The following TTC8 variants were observed in gnomAD, a reference collection of about 807,000 sequenced individuals.
The protein encoded by TTC8 is tetratricopeptide repeat domain 8, also known as tetratricopeptide repeat protein 8.
A neutral mutation model predicts 72.5 loss-of-function variants in TTC8; 47 were observed. The observed-to-expected ratio is 0.65, with a 90% CI of 0.51 to 0.83. TTC8 has a LOEUF of 0.83. Among genes scored for constraint, TTC8 ranks in the 40% least tolerant of loss-of-function variants. TTC8 has a pLI of 0.00. For synonymous variants in TTC8, 199 were observed against 221.4 expected, an observed-to-expected ratio of 0.90 and a Z score of 0.90; for missense variants, 611 against 623.2, an observed-to-expected ratio of 0.98 and a Z score of 0.21.
At chr14:88,868,528 T>A (rs1296992052) in intron 10 of TTC8, among the ~76,000 whole-genome samples, 1 of 152,200 alleles carries the variant, frequency 6.6e-6, no homozygotes, top group Non-Finnish European at 1.5e-5. Context: ...TGCTAAGAAA[T>A]GGCACATATG....
intron 13 of TTC8, 25 bp downstream of exon 13, chr14:88,872,477 T>C (rs747755382): frequency 1.7e-5 from 28 of 1,612,630 alleles, no homozygotes; most frequent in Non-Finnish European, 2.3e-5. Flanking sequence ...AGCGGCATGC[T>C]GGGCAGTCTG....
intron 8 of TTC8, among the ~76,000 whole-genome samples, 161 bp from the exon 9 acceptor site, chr14:88,857,029 T>C (rs2094859413): frequency 6.6e-6 from 1 of 152,214 alleles, no homozygotes. Flanking sequence ...AGGCAACTTA[T>C]TGCTAAGCTG....
intron 14 of TTC8, 57 bp from the exon 15 acceptor site, chr14:88,877,237 T>G (rs2094960783): frequency 7.6e-7 from 1 of 1,319,376 alleles, no homozygotes; most frequent in African/African-American, 1.4e-5. Context: ...CTTTTTTACT[T>G]CCTTACTCAT....
chr14:88,871,186 G>A lies in TTC8; in HGVS notation c.1050-363G>A, dbSNP rs369865910. Among the ~76,000 whole-genome samples the A allele has an allele frequency of 6.6e-6, 1 of 152,198 alleles. No homozygotes were observed. Among genetic ancestry groups the A allele is most frequent in the African/African-American group, 2.4e-5 (1 of 41,458 alleles). On this transcript the variant is annotated intron_variant, in intron 11 of 14. Coordinates refer to ENST00000380656, the MANE Select transcript of TTC8 (RefSeq NM_144596.4). This position sits in a 1 kb window ranked among gnomAD's most constrained non-coding sequence, Gnocchi z 4.1. ...AATGCTAAACGCAGTCCTCAAATTA[G>A]ATTAGGTTTTAGGAATTTACCCTAT...
intron 10 of TTC8, among the ~76,000 whole-genome samples, chr14:88,866,166 A>C (rs1193223057): frequency 6.6e-6 from 1 of 152,178 alleles, no homozygotes; most frequent in Admixed American, 6.5e-5. Flanking sequence ...CAAAGTCAAA[A>C]AGCCATAATA....
rs71130022 is a variant in TTC8 at position 88,862,541 on chromosome 14, C to CATAT, written c.909+1262_909+1265dup. On this transcript the variant is annotated intron_variant, in intron 10 of 14. Transcript: ENST00000380656. Reference sequence around the variant, plus strand: ...ATTCCATTCTCTCTCTCTCTCTCTCCATATATATATATATATATATATATA... The same window carrying CATAT: ...ATTCCATTCTCTCTCTCTCTCTCTCCATATATATATATATATATATATATATATA... 6.9e-3 allele frequency among the ~76,000 whole-genome samples: 164 copies of CATAT among 23,782 alleles called. 13 individuals are homozygous for CATAT. The highest frequency in any genetic ancestry group is 8.8e-3 in the Non-Finnish European group (107 of 12,202). 15.6% of individuals were successfully genotyped at this position (23,782 alleles called of 152,430 possible).
chr14:88,843,230 C>T lies in TTC8; in HGVS notation c.580-576C>T, dbSNP rs2094790458. 2.6e-5 allele frequency among the ~76,000 whole-genome samples: 4 copies of T among 152,168 alleles called. No individual in the cohort carries two copies. In the South Asian group the frequency reaches 8.3e-4, roughly 31 times the overall value. On this transcript the variant is annotated intron_variant, in intron 6 of 14. Coordinates refer to ENST00000380656, the MANE Select transcript of TTC8 (RefSeq NM_144596.4). ...TAAGGTCAGGGCTTTGCCATCCCCC[C>T]AACTCTGATTTAATTTAAGTGGTCT...
rs772406277 is a variant in TTC8 at position 88,870,155 on chromosome 14, C to A, written c.1006C>A (p.His336Asn). The A allele has an allele frequency of 6.2e-7, 1 of 1,614,080 alleles. No homozygotes were observed. The highest frequency in any genetic ancestry group is 8.5e-7 in the Non-Finnish European group (1 of 1,179,960). ...VEAIACIGSN[H>N]FYSDQPEIAL... ...AGCCATCGCATGCATTGGAAGCAACCACTTCTATTCTGATCAGCCAGAAAT... is the reference window on the plus strand; with the variant it reads ...AGCCATCGCATGCATTGGAAGCAACAACTTCTATTCTGATCAGCCAGAAAT... The change falls in exon 11 of 15, where the codon CAC (histidine) becomes AAC (asparagine). Residue 336 changes from histidine (H) to asparagine (N), a missense_variant. Coordinates refer to ENST00000380656, the MANE Select transcript of TTC8 (RefSeq NM_144596.4).
rs139805316 is a variant in TTC8, at chr14:88,841,397, C to G, written c.490-28C>G. 11 of 1,609,848 alleles carry G rather than the reference C, an allele frequency of 6.8e-6. No individual in the cohort carries two copies. In the East Asian group the frequency reaches 2.5e-4, roughly 36 times the overall value. On this transcript the variant is annotated intron_variant, in intron 5 of 14. Coordinates refer to ENST00000380656, the MANE Select transcript of TTC8 (RefSeq NM_144596.4). ...TACATTTCAAGAGAAAGTTTCAGATCTCTTGGTCTATTGTTTTTCCTCTGT... is the reference window on the plus strand; with the variant it reads ...TACATTTCAAGAGAAAGTTTCAGATGTCTTGGTCTATTGTTTTTCCTCTGT...
chr14:88,850,232 G>A (rs182164978), intron 7 of TTC8, among the ~76,000 whole-genome samples: 36 of 152,218 alleles, frequency 2.4e-4, no homozygotes, highest in Admixed American at 2.4e-3. Flanking sequence ...ATTTTGTTTG[G>A]TTTTTAAGGT....
chr14:88,881,049 G>C (rs758925129), downstream of TTC8: 10 of 151,850 alleles, frequency 6.6e-5, no homozygotes, highest in Non-Finnish European at 1.3e-4. Flanking sequence ...TGAGAGTAGT[G>C]TGGCAAATTT....
chr14:88,877,486 T>A lies in TTC8; in HGVS notation c.*76T>A. ...AAAAAGCACTATGTCTGTGTATGTA[T>A]GTATATAGTGTAATACGTATATTTT... On this transcript the variant is annotated 3_prime_UTR_variant, in exon 15 of 15. Coordinates refer to ENST00000380656, the MANE Select transcript of TTC8 (RefSeq NM_144596.4). The A allele has an allele frequency of 8.8e-7, 1 of 1,130,498 alleles. No homozygotes were observed. Among genetic ancestry groups the A allele is most frequent in the Non-Finnish European group, 1.4e-6 (1 of 740,696 alleles). 70.0% of individuals were successfully genotyped at this position (1,130,498 alleles called of 1,614,324 possible).
At chr14:88,872,186 C>T in intron 12 of TTC8, 144 bp from the exon 13 acceptor site, 2 of 1,227,642 alleles carry the variant, frequency 1.6e-6, no homozygotes, top group Non-Finnish European at 2.3e-6. Context: ...TAGGTTAAAT[C>T]CACTTACGTA....
At chr14:88,874,053 A>G (rs1019089515) in intron 13 of TTC8, among the ~76,000 whole-genome samples, 9 of 152,248 alleles carry the variant, frequency 5.9e-5, no homozygotes, top group Non-Finnish European at 1.3e-4. Context: ...TTTGTCAGGA[A>G]CTTTGCCTGT....
At chr14:88,836,854 G>C (rs2094754173) in intron 2 of TTC8, 1 of 160,064 alleles carries the variant, frequency 6.2e-6, no homozygotes, top group African/African-American at 2.4e-5. Context: ...GAGGTCAGGA[G>C]TTCGAGACAA....
At position 88,871,268 on chromosome 14, in the gene TTC8, C is replaced by A. The variant is rs911352366; in HGVS notation, c.1050-281C>A. ...TGGGCGTTACTTTTTGTGACTATTT[C>A]TTATTTTGGTTCTCTAACAAAGCAT... is the stretch of plus-strand genomic sequence containing the variant. On this transcript the variant is annotated intron_variant, in intron 11 of 14. Transcript: ENST00000380656. The surrounding 1 kb of genome is among the most constrained non-coding windows in gnomAD (Gnocchi z 4.1). 6.6e-5 allele frequency among the ~76,000 whole-genome samples: 10 copies of A among 152,174 alleles called. No individual in the cohort carries two copies. The highest frequency in any genetic ancestry group is 2.4e-4 in the African/African-American group (10 of 41,446).
chr14:88,859,866 TATAA>T (rs1463652303), intron 9 of TTC8, among the ~76,000 whole-genome samples: 8 of 143,044 alleles, frequency 5.6e-5, no homozygotes, highest in Non-Finnish European at 1.1e-4. Context: ...TCATATATAA[TATAA>T]ATATATTATA....
chr14:88,844,743 G>A (rs915013747), intron 7 of TTC8, among the ~76,000 whole-genome samples: 1 of 151,066 alleles, frequency 6.6e-6, no homozygotes, highest in African/African-American at 2.4e-5. Flanking sequence ...GTACAGACAT[G>A]CTCTCCCTAT....
At chr14:88,847,368 T>C (rs1358882138) in intron 7 of TTC8, among the ~76,000 whole-genome samples, 1 of 152,000 alleles carries the variant, frequency 6.6e-6, no homozygotes, top group East Asian at 1.9e-4. Flanking sequence ...AATCAGCAAA[T>C]GAAGAGAAAA....
Sources: gnomAD v4.1 joint callset for allele counts (sites outside exome capture counted in the v4.1 genomes callset) on GRCh38, gnomAD v4.1.1 for gene constraint, Gnocchi (gnomAD v3.1) non-coding constraint, MANE v1.5 for transcripts, NCBI Gene and HGNC (gene_info 2026-07-23, HGNC 2026-07-21) for gene names.